CCDC73: variants seen among roughly 807,000 people sequenced by gnomAD.
CCDC73 encodes the protein coiled-coil domain containing 73.
In CCDC73, 95 loss-of-function variants were observed where a neutral mutation model predicts 116.5. The ratio of observed to expected loss-of-function variants is 0.82; its 90% confidence interval spans 0.69 to 0.97. The LOEUF (loss-of-function observed/expected upper bound fraction) is 0.97. Ranked by LOEUF, CCDC73 falls within the 50% of genes least tolerant of loss-of-function variation. The probability of loss-of-function intolerance (pLI) is 0.00; values close to 1 mark genes in which losing one functional copy is unlikely to be tolerated. For missense variants in CCDC73, 1,066 were observed against 1,206.8 expected (o/e 0.88, Z 1.73); for synonymous variants, 398 against 401.3 (o/e 0.99, Z 0.10).
At chr11:32,701,255 G>C (rs1849808260) in intron 4 of CCDC73, among the ~76,000 whole-genome samples, 1 of 152,002 alleles carries the variant, frequency 6.6e-6, no homozygotes, top group Admixed American at 6.5e-5. Flanking sequence ...TGAATATTTT[G>C]CCATCCACTC....
At chr11:32,747,146 CCTTT>C (rs1198368832) in intron 2 of CCDC73, among the ~76,000 whole-genome samples, 3 of 152,090 alleles carry the variant, frequency 2.0e-5, no homozygotes, top group Non-Finnish European at 4.4e-5. Flanking sequence ...TGATGCTATT[CCTTT>C]CTGTTTGTTA....
At chr11:32,822,388 TGGG>T in the CCDC73 span, among the ~76,000 whole-genome samples, 1 of 152,172 alleles carries the variant, frequency 6.6e-6, no homozygotes, top group African/African-American at 2.4e-5. Context: ...TCAGCACATT[TGGG>T]AAGATCATTT....
At chr11:32,789,786 T>C (rs1850659945) in intron 1 of CCDC73, among the ~76,000 whole-genome samples, 1 of 151,768 alleles carries the variant, frequency 6.6e-6, no homozygotes, top group Admixed American at 6.6e-5. Context: ...AAAAAATAAA[T>C]ACGACACCTT....
intron 6 of CCDC73, among the ~76,000 whole-genome samples, chr11:32,697,699 G>A (rs1404270213): frequency 1.3e-5 from 2 of 151,892 alleles, no homozygotes; most frequent in East Asian, 3.9e-4. Context: ...GGCCAGGCTG[G>A]TCTCCAACTC....
chr11:32,605,288 C>CTGCAGAA (rs1855334784), intron 17 of CCDC73: 1 of 151,610 alleles, frequency 6.6e-6, no homozygotes, highest in African/African-American at 2.4e-5. Flanking sequence ...AGCCACTGGT[C>CTGCAGAA]CCCTCAGAGA....
rs116425647 is a variant in CCDC73 at position 32,760,309 on chromosome 11, G to A, written c.-15-51C>T. On this transcript the variant is annotated intron_variant, in intron 1 of 17. Coordinates refer to ENST00000335185, the MANE Select transcript of CCDC73 (RefSeq NM_001008391.4). ...AAAAAAAATTATCTAGGTTTTTCAA[G>A]TAAAAGCATAGTTACCATAAAAATA... 3.2e-3 allele frequency: 3,418 copies of A among 1,073,176 alleles called. 87 individuals carry two copies. The African/African-American group carries it at 0.048, about 15-fold the overall frequency. The allele number at this position is 1,073,176 out of a possible 1,614,324, so 66.5% of individuals were successfully genotyped here.
intron 2 of CCDC73, among the ~76,000 whole-genome samples, chr11:32,729,397 T>C (rs978045261): frequency 2.0e-5 from 3 of 152,230 alleles, no homozygotes; most frequent in East Asian, 1.9e-4. Flanking sequence ...GTATATACCA[T>C]ATTTTATTTA....
At chr11:32,721,255 C>T (rs957226356) in intron 2 of CCDC73, among the ~76,000 whole-genome samples, 30 of 152,088 alleles carry the variant, frequency 2.0e-4, no homozygotes, top group African/African-American at 6.8e-4. Context: ...AAACTCCTGG[C>T]CTCAGGTGAT....
chr11:32,677,948 T>G (rs1259031102), intron 7 of CCDC73, among the ~76,000 whole-genome samples: 1 of 75,860 alleles, frequency 1.3e-5, no homozygotes, highest in Non-Finnish European at 2.4e-5. Flanking sequence ...AGAGCAAGAT[T>G]CCATCTCAAA....
Position 32,611,176 on chromosome 11 carries a change from C to T in CCDC73, c.2986G>A (p.Ala996Thr). 6.2e-7 allele frequency: 1 copy of T among 1,613,888 alleles called. No homozygotes were observed. Among genetic ancestry groups the T allele is most frequent in the Non-Finnish European group, 8.5e-7 (1 of 1,179,832 alleles). The part of the protein sequence containing the change: ...PKGEPSEEKN[A>T]MAKTFYDSSF... ...GAATCATAAAAAGTCTTTGCCATTG[C>T]ATTCTTCTCTTCACTGGGTTCTCCC... The change falls in exon 17 of 18, where the codon GCA becomes ACA. Residue 996 changes from alanine to threonine, a missense_variant. Transcript: ENST00000335185.
chr11:32,693,865 C>T (rs190619874), intron 6 of CCDC73, among the ~76,000 whole-genome samples: 119 of 152,300 alleles, frequency 7.8e-4, no homozygotes, highest in African/African-American at 2.6e-3. Flanking sequence ...AATTCAACAG[C>T]CCTTCATGCT....
At chr11:32,824,887 C>T in the CCDC73 span, among the ~76,000 whole-genome samples, 2 of 152,150 alleles carry the variant, frequency 1.3e-5, no homozygotes, top group African/African-American at 4.8e-5. Flanking sequence ...AATTCCAGAC[C>T]AGCCTGAGCA....
At chr11:32,692,577 A>G (rs1856271035) in intron 6 of CCDC73, among the ~76,000 whole-genome samples, 2 of 152,214 alleles carry the variant, frequency 1.3e-5, no homozygotes, top group African/African-American at 4.8e-5. Flanking sequence ...TGAACATCTT[A>G]GAGATCATCT....
the CCDC73 span, among the ~76,000 whole-genome samples, chr11:32,825,494 G>T: frequency 2.6e-5 from 4 of 151,916 alleles, no homozygotes; most frequent in South Asian, 8.3e-4. Flanking sequence ...TAGAGATGGG[G>T]TTTCTCCATG....
At chr11:32,805,325 C>T in the CCDC73 span, among the ~76,000 whole-genome samples, 1 of 152,068 alleles carries the variant, frequency 6.6e-6, no homozygotes, top group Admixed American at 6.5e-5. Flanking sequence ...CAAGTTATAC[C>T]ATTTATGCAC....
the CCDC73 span, among the ~76,000 whole-genome samples, chr11:32,811,516 T>C: frequency 6.6e-6 from 1 of 152,176 alleles, no homozygotes; most frequent in Non-Finnish European, 1.5e-5. Flanking sequence ...TGTAAAGGAA[T>C]ACCTTAGACT....
Position 32,614,404 on chromosome 11 carries a change from A to T in CCDC73, c.1914T>A (p.Asn638Lys), listed in dbSNP as rs1565056753. The change falls in exon 16 of 18, where the codon AAT becomes AAA. Residue 638 changes from asparagine to lysine, a missense_variant. Asn to Lys is a moderately conservative substitution (Grantham distance 94, BLOSUM62 0). Coordinates refer to ENST00000335185, the MANE Select transcript of CCDC73 (RefSeq NM_001008391.4). ...AACTATATTTCTGACATGGAACAGG[A>T]TTTTTTTTTATATCTAGAGACGAGT... ...DLDSSLDIKK[N>K]PVPCQKYSLR... 2 of 1,608,324 alleles carry T rather than the reference A, an allele frequency of 1.2e-6. No individual in the cohort carries two copies. Among genetic ancestry groups the T allele is most frequent in the Non-Finnish European group, 1.7e-6 (2 of 1,175,644 alleles).
chr11:32,632,519 C>T (rs1855640663), intron 14 of CCDC73, among the ~76,000 whole-genome samples: 1 of 151,974 alleles, frequency 6.6e-6, no homozygotes, highest in Non-Finnish European at 1.5e-5. Flanking sequence ...AGCCACCGTG[C>T]CCGGCCGGTT....
Position 32,603,015 on chromosome 11 carries a change from T to C in CCDC73, c.3036A>G (p.Lys1012=). The change falls in exon 18 of 18, where the codon AAA becomes AAG. Residue 1012 remains lysine (K), a synonymous_variant. Coordinates refer to ENST00000335185, the MANE Select transcript of CCDC73 (RefSeq NM_001008391.4). The part of the protein sequence containing the change: ...YDSSFPTEHV[K]TKPLISTPLQ... ...GTGGAGTTGATATCAGAGGCTTTGTTTTCACCTGGGAAAGATAAACTAATT... is the reference window on the plus strand; with the variant it reads ...GTGGAGTTGATATCAGAGGCTTTGTCTTCACCTGGGAAAGATAAACTAATT... 1 of 1,590,842 alleles carries C rather than the reference T, an allele frequency of 6.3e-7. No individual in the cohort carries two copies. Among genetic ancestry groups the C allele is most frequent in the South Asian group, 1.2e-5 (1 of 85,800 alleles).
Sources: gnomAD v4.1 joint callset for allele counts (sites outside exome capture counted in the v4.1 genomes callset) on GRCh38, gnomAD v4.1.1 for gene constraint, MANE v1.5 for transcripts, NCBI Gene and HGNC (gene_info 2026-07-23, HGNC 2026-07-21) for gene names.